Variants in ADGRL3 observed in about 807,000 individuals in gnomAD.
ADGRL3 encodes the protein adhesion G protein-coupled receptor L3.
ADGRL3 carries 62 observed loss-of-function variants against 153.5 expected under a neutral mutation model. The ratio of observed to expected loss-of-function variants is 0.40; its 90% confidence interval spans 0.33 to 0.50. The LOEUF (loss-of-function observed/expected upper bound fraction) is 0.50. Among genes scored for constraint, ADGRL3 ranks in the 20% least tolerant of loss-of-function variants. The pLI is 0.47. For synonymous variants in ADGRL3, 710 were observed against 672.5 expected, an observed-to-expected ratio of 1.06 and a Z score of -0.86; for missense variants, 1,641 against 1,859.4, an observed-to-expected ratio of 0.88 and a Z score of 2.16.
At chr4:61,328,546 C>T (rs1327911398) in intron 1 of ADGRL3, among the ~76,000 whole-genome samples, 2 of 152,078 alleles carry the variant, frequency 1.3e-5, no homozygotes, top group African/African-American at 4.8e-5. Context: ...AAAGAAACTC[C>T]TATCTATTAC....
chr4:61,418,226 G>A (rs1267822121), intron 2 of ADGRL3, among the ~76,000 whole-genome samples: 2 of 152,186 alleles, frequency 1.3e-5, no homozygotes, highest in Non-Finnish European at 2.9e-5. Flanking sequence ...AAAATATCAT[G>A]TGTTCTCCCA....
chr4:61,973,176 TA>T (rs2099035475), intron 17 of ADGRL3, among the ~76,000 whole-genome samples: 1 of 152,058 alleles, frequency 6.6e-6, no homozygotes, highest in South Asian at 2.1e-4. Context: ...CAGTTTCACA[TA>T]AAGTCTTAGT....
In ADGRL3 at chr4:62,042,059, T is replaced by C. The variant is rs567237204; in HGVS notation, c.3718-2394T>C. On this transcript the variant is annotated intron_variant, in intron 24 of 26. Transcript: ENST00000683033. ...GTGAATATAGGAAAGGTATATAGTA[T>C]GGAAAAGAGAGCATAGAAAAAATTA... Among the ~76,000 whole-genome samples the C allele has an allele frequency of 2.3e-3, 356 of 152,082 alleles. 2 individuals carry two copies. Among genetic ancestry groups the C allele is most frequent in the African/African-American group, 7.6e-3 (314 of 41,504 alleles).
chr4:61,670,766 C>A (rs1325800171), intron 5 of ADGRL3, among the ~76,000 whole-genome samples: 1 of 152,148 alleles, frequency 6.6e-6, no homozygotes, highest in South Asian at 2.1e-4. Context: ...AAGTTCCCCC[C>A]AGGGGTGTTG....
intron 4 of ADGRL3, among the ~76,000 whole-genome samples, chr4:61,567,591 C>G (rs892461158): frequency 6.6e-6 from 1 of 152,126 alleles, no homozygotes; most frequent in Non-Finnish European, 1.5e-5. Flanking sequence ...GCCTCCAGAA[C>G]GATGAGAAGT....
chr4:61,826,654 A>G lies in ADGRL3; in HGVS notation c.1480+12765A>G, dbSNP rs1263426932. ...ACTCTGAAGGGTTTTTACATAGAGTACTACATACTATGGTTTCAATTTTTA... is the reference window on the plus strand; with the variant it reads ...ACTCTGAAGGGTTTTTACATAGAGTGCTACATACTATGGTTTCAATTTTTA... On this transcript the variant is annotated intron_variant, in intron 9 of 26. Transcript: ENST00000683033. Among the ~76,000 whole-genome samples, 5 of 152,136 alleles carry G rather than the reference A, an allele frequency of 3.3e-5. No homozygotes were observed. The East Asian group carries it at 9.6e-4, about 29-fold the overall frequency.
In ADGRL3 at chr4:62,030,357, C is replaced by T. The variant is rs867669606; in HGVS notation, c.3423-1085C>T. 6.6e-5 allele frequency among the ~76,000 whole-genome samples: 10 copies of T among 151,506 alleles called. No homozygotes were observed. The South Asian group carries it at 1.0e-3, about 16-fold the overall frequency. On this transcript the variant is annotated intron_variant, in intron 22 of 26. Transcript: ENST00000683033. ...TCTGCTGGAAAGAAATATGAATTTA[C>T]CCTATTCAAGGAAGATGTGCTGGGA...
Position 61,579,408 on chromosome 4 carries a change from G to A in ADGRL3, c.260-7819G>A, listed in dbSNP as rs994648663. ...ATTGTGATATGTGAAATTTGACAAA[G>A]TTTTAGAAATGTTATTTCTCGTGAA... On this transcript the variant is annotated intron_variant, in intron 4 of 26. Coordinates refer to ENST00000683033, the MANE Select transcript of ADGRL3 (RefSeq NM_001387552.1). Among the ~76,000 whole-genome samples the A allele has an allele frequency of 2.0e-5, 3 of 152,184 alleles. No homozygotes were observed. In the South Asian group the frequency reaches 6.2e-4, roughly 32 times the overall value.
intron 9 of ADGRL3, among the ~76,000 whole-genome samples, chr4:61,852,530 G>C (rs575800513): frequency 8.7e-4 from 132 of 152,136 alleles, no homozygotes; most frequent in African/African-American, 3.0e-3. Context: ...GGCCAGGCTG[G>C]TCTCAAACTC....
chr4:61,891,826 G>A (rs2098588939), intron 9 of ADGRL3, among the ~76,000 whole-genome samples: 1 of 152,106 alleles, frequency 6.6e-6, no homozygotes, highest in Admixed American at 6.6e-5. Flanking sequence ...TCCATGATGA[G>A]AATATGAATA....
intron 2 of ADGRL3, among the ~76,000 whole-genome samples, chr4:61,448,952 T>G: frequency 6.6e-6 from 1 of 151,342 alleles, no homozygotes; most frequent in Admixed American, 6.6e-5. Context: ...AGGAGATTTT[T>G]TTGAGAAAAC....
intron 9 of ADGRL3, among the ~76,000 whole-genome samples, chr4:61,861,325 T>C (rs746516629): frequency 6.6e-6 from 1 of 152,164 alleles, no homozygotes; most frequent in Non-Finnish European, 1.5e-5. Flanking sequence ...TAACCTGGGT[T>C]ATTGATTTAT....
At chr4:61,449,958 T>C (rs940078065) in intron 2 of ADGRL3, among the ~76,000 whole-genome samples, 1 of 152,208 alleles carries the variant, frequency 6.6e-6, no homozygotes, top group Non-Finnish European at 1.5e-5. Flanking sequence ...GAAACTATAA[T>C]GTGATATTCT....
At chr4:61,995,506 A>G (rs1254847404) in intron 19 of ADGRL3, among the ~76,000 whole-genome samples, 1 of 152,166 alleles carries the variant, frequency 6.6e-6, no homozygotes, top group African/African-American at 2.4e-5. Flanking sequence ...TTATGGCAAA[A>G]TGGCAAATAA....
chr4:61,542,260 T>G (rs1215184602), intron 4 of ADGRL3, among the ~76,000 whole-genome samples: 1 of 152,170 alleles, frequency 6.6e-6, no homozygotes, highest in African/African-American at 2.4e-5. Context: ...ACCAATTTAG[T>G]GAATCTTGGT....
chr4:61,255,152 G>C (rs1479670875), intron 1 of ADGRL3, among the ~76,000 whole-genome samples: 1 of 152,122 alleles, frequency 6.6e-6, no homozygotes, highest in Admixed American at 6.6e-5. Context: ...GTTGCTGACA[G>C]TCAGGGTTGG....
intron 2 of ADGRL3, among the ~76,000 whole-genome samples, chr4:61,424,078 G>T (rs755881284): frequency 4.6e-5 from 7 of 152,082 alleles, no homozygotes; most frequent in Non-Finnish European, 1.0e-4. Flanking sequence ...GTAATTGAAA[G>T]AACACTCAGG....
intron 3 of ADGRL3, among the ~76,000 whole-genome samples, chr4:61,499,984 A>G (rs953662885): frequency 3.2e-5 from 3 of 94,150 alleles, no homozygotes; most frequent in Admixed American, 1.3e-4. Flanking sequence ...TCACACACAC[A>G]CAGACACACA....
At chr4:61,321,759 G>A (rs1462541353) in intron 1 of ADGRL3, among the ~76,000 whole-genome samples, 1 of 152,060 alleles carries the variant, frequency 6.6e-6, no homozygotes, top group African/African-American at 2.4e-5. Flanking sequence ...ATAATCTTAT[G>A]GGACCCAATG....
Sources: gnomAD v4.1 joint callset for allele counts (sites outside exome capture counted in the v4.1 genomes callset) on GRCh38, gnomAD v4.1.1 for gene constraint, MANE v1.5 for transcripts, NCBI Gene and HGNC (gene_info 2026-07-23, HGNC 2026-07-21) for gene names.